Variants in LSAMP observed in about 807,000 individuals in gnomAD.
LSAMP encodes the protein limbic system associated membrane protein.
LSAMP carries 7 observed loss-of-function variants against 38.6 expected under a neutral mutation model. The ratio of observed to expected loss-of-function variants is 0.18; its 90% confidence interval spans 0.10 to 0.34. The LOEUF is 0.34. Among genes scored for constraint, LSAMP ranks in the 10% least tolerant of loss-of-function variants. The pLI is 1.00. For synonymous variants in LSAMP, 154 were observed against 166.8 expected (o/e 0.92, Z 0.59); for missense variants, 313 against 420.0 (o/e 0.75, Z 2.23).
chr3:116,316,473 A>G (rs1455698016), intron 1 of LSAMP, among the ~76,000 whole-genome samples: 3 of 152,338 alleles, frequency 2.0e-5, no homozygotes, highest in East Asian at 3.9e-4. Flanking sequence ...ATAGAGCAGT[A>G]TATAAAGGCA....
At chr3:116,395,162 G>C (rs917364780) in intron 1 of LSAMP, among the ~76,000 whole-genome samples, 6 of 151,928 alleles carry the variant, frequency 3.9e-5, no homozygotes, top group African/African-American at 1.5e-4. Context: ...TCTTTTACTG[G>C]AAATGAAATA....
At chr3:116,049,090 C>G (rs9289039) in intron 2 of LSAMP, among the ~76,000 whole-genome samples, 71,837 of 152,080 alleles carry the variant, frequency 0.47, 18,562 homozygotes, top group African/African-American at 0.7. Context: ...AGTAAATACA[C>G]TGTCTATGTT....
intron 1 of LSAMP, among the ~76,000 whole-genome samples, chr3:116,356,272 TAAC>T (rs1389900125): frequency 2.6e-5 from 4 of 152,210 alleles, no homozygotes; most frequent in Non-Finnish European, 5.9e-5. Context: ...CCTGTCTCTG[TAAC>T]AACATGGATG....
At chr3:116,354,435 C>G (rs368552647) in intron 1 of LSAMP, among the ~76,000 whole-genome samples, 1 of 152,172 alleles carries the variant, frequency 6.6e-6, no homozygotes, top group Non-Finnish European at 1.5e-5. Context: ...AGACATGGCT[C>G]TGGCAATTAC....
intron 6 of LSAMP, among the ~76,000 whole-genome samples, chr3:115,818,717 T>C (rs1219601313): frequency 7.2e-6 from 1 of 139,812 alleles, no homozygotes; most frequent in Non-Finnish European, 1.5e-5. Flanking sequence ...GTCATGGCAT[T>C]GCAAGTCCAA....
Position 116,146,988 on chromosome 3 carries a change from T to TG in LSAMP, c.156-60433dup, listed in dbSNP as rs556111477. 2.6e-3 allele frequency among the ~76,000 whole-genome samples: 395 copies of TG among 152,000 alleles called. 3 individuals are homozygous for TG. Among genetic ancestry groups the TG allele is most frequent in the African/African-American group, 9.2e-3 (383 of 41,524 alleles). ...ATGACATTTAAGTGTCCTTACAAAC[T>TG]GGGGGTCCCAGGATTTCATGGTTAA... is the stretch of plus-strand genomic sequence containing the variant. On this transcript the variant is annotated intron_variant, in intron 1 of 6. Transcript: ENST00000490035.
chr3:116,031,818 C>T (rs1940931902), intron 2 of LSAMP, among the ~76,000 whole-genome samples: 1 of 151,722 alleles, frequency 6.6e-6, no homozygotes, highest in South Asian at 2.1e-4. Context: ...TTACCATGAA[C>T]CATTTTAAAT....
At chr3:116,025,434 A>C (rs1199258420) in intron 2 of LSAMP, among the ~76,000 whole-genome samples, 1 of 152,062 alleles carries the variant, frequency 6.6e-6, no homozygotes, top group Non-Finnish European at 1.5e-5. Flanking sequence ...GTTTTGCTGA[A>C]GTTTAAAGCT....
At chr3:116,053,818 A>G (rs1440982424) in intron 2 of LSAMP, among the ~76,000 whole-genome samples, 2 of 152,168 alleles carry the variant, frequency 1.3e-5, no homozygotes, top group African/African-American at 4.8e-5. Flanking sequence ...GTGTCTTTGA[A>G]AGGCAGCTCT....
chr3:116,003,482 A>T (rs545717949), intron 3 of LSAMP, among the ~76,000 whole-genome samples: 1 of 152,284 alleles, frequency 6.6e-6, no homozygotes, highest in South Asian at 2.1e-4. Context: ...ATTATTCTCT[A>T]ATCTTTTTAT....
At chr3:116,078,357 C>T (rs928748931) in intron 2 of LSAMP, among the ~76,000 whole-genome samples, 1 of 151,304 alleles carries the variant, frequency 6.6e-6, no homozygotes, top group African/African-American at 2.4e-5. Context: ...AGGAGTCTCG[C>T]TCTGTTGCCC....
At chr3:115,843,928 ATTG>A (rs1270260218) in intron 4 of LSAMP, among the ~76,000 whole-genome samples, 1 of 152,094 alleles carries the variant, frequency 6.6e-6, no homozygotes, top group Non-Finnish European at 1.5e-5. Flanking sequence ...TGCTGTTGGT[ATTG>A]TTGTTTTGCT....
At chr3:116,093,106 A>T (rs926089298) in intron 1 of LSAMP, among the ~76,000 whole-genome samples, 2 of 152,200 alleles carry the variant, frequency 1.3e-5, no homozygotes, top group Admixed American at 1.3e-4. Flanking sequence ...GTGTAACTGG[A>T]TGGGTAAGAG....
At chr3:116,341,652 A>C (rs779667580) in intron 1 of LSAMP, among the ~76,000 whole-genome samples, 2 of 152,040 alleles carry the variant, frequency 1.3e-5, no homozygotes, top group Non-Finnish European at 2.9e-5. Context: ...AGGACAAATT[A>C]GATATCAGTT....
intron 3 of LSAMP, among the ~76,000 whole-genome samples, chr3:115,970,782 A>T (rs1938992313): frequency 6.6e-6 from 1 of 152,232 alleles, no homozygotes; most frequent in East Asian, 1.9e-4. Flanking sequence ...TAGGATATTT[A>T]CCTACTTATT....
chr3:116,318,091 G>A lies in LSAMP; in HGVS notation c.155+126786C>T, dbSNP rs544317955. Among the ~76,000 whole-genome samples, 23 of 143,182 alleles carry A rather than the reference G, an allele frequency of 1.6e-4. 1 individual carries two copies. The South Asian group carries it at 4.2e-3, about 26-fold the overall frequency. 93.9% of individuals were successfully genotyped at this position (143,182 alleles called of 152,430 possible). ...GCGGAGGTTGCAGTGAGCCAAGATCGTGCCACTGCACTCCAGCCTGAGTGA... is the reference window on the plus strand; with the variant it reads ...GCGGAGGTTGCAGTGAGCCAAGATCATGCCACTGCACTCCAGCCTGAGTGA... On this transcript the variant is annotated intron_variant, in intron 1 of 6. Transcript: ENST00000490035.
intron 1 of LSAMP, among the ~76,000 whole-genome samples, chr3:116,358,045 A>G (rs1213012174): frequency 6.6e-6 from 1 of 152,196 alleles, no homozygotes; most frequent in Non-Finnish European, 1.5e-5. Flanking sequence ...CATGAGTTCC[A>G]ATTACTTTCT....
At chr3:115,952,057 C>T (rs1384282327) in intron 3 of LSAMP, among the ~76,000 whole-genome samples, 1 of 152,056 alleles carries the variant, frequency 6.6e-6, no homozygotes, top group South Asian at 2.1e-4. Flanking sequence ...ATTTAAAAAT[C>T]AAAAAATAAC....
intron 1 of LSAMP, among the ~76,000 whole-genome samples, chr3:116,442,528 C>G (rs2049450400): frequency 6.6e-6 from 1 of 152,014 alleles, no homozygotes; most frequent in Admixed American, 6.6e-5. Flanking sequence ...AGGAAACTGA[C>G]CCAGAAAGCT....
Sources: allele counts gnomAD v4.1 joint callset (sites outside exome capture counted in the v4.1 genomes callset), GRCh38; gene constraint gnomAD v4.1.1; transcripts MANE v1.5; gene names NCBI Gene and HGNC (gene_info 2026-07-23, HGNC 2026-07-21).